Variants in WRN observed in about 807,000 individuals in gnomAD.
WRN encodes bifunctional 3'-5' exonuclease/ATP-dependent helicase WRN.
In WRN, 149 loss-of-function variants were observed where a neutral mutation model predicts 180.7. The observed-to-expected ratio is 0.82, with a 90% CI of 0.72 to 0.94. The LOEUF (loss-of-function observed/expected upper bound fraction) is 0.94, where lower values mean the gene tolerates loss of function less well. Ranked by LOEUF, WRN falls within the 40% of genes least tolerant of loss-of-function variation. WRN has a pLI of 0.00. For synonymous variants in WRN, 548 were observed against 568.9 expected (o/e 0.96, Z 0.52); for missense variants, 1,661 against 1,700.1 (o/e 0.98, Z 0.40).
intron 20 of WRN, 70 bp from the exon 21 acceptor site, chr8:31,120,173 A>C (rs566187118): frequency 1.9e-6 from 3 of 1,575,976 alleles, no homozygotes; most frequent in Non-Finnish European, 2.6e-6. Context: ...TATTCTTACA[A>C]AAAGGTATAA....
rs773262209 is a variant in WRN, at chr8:31,067,216, T to A, written c.654+34T>A. ...TTAAAGATCTTTAGAAATTGTGATG[T>A]GTTTTAAAAACATTATTATAAATGA... On this transcript the variant is annotated intron_variant, in intron 6 of 34. Transcript: ENST00000298139. 4 of 1,610,882 alleles carry A rather than the reference T, an allele frequency of 2.5e-6. No individual in the cohort carries two copies. The East Asian group carries it at 8.9e-5, about 36-fold the overall frequency.
At chr8:31,051,130 C>T (rs913372181) in intron 1 of WRN, among the ~76,000 whole-genome samples, 3 of 151,726 alleles carry the variant, frequency 2.0e-5, no homozygotes, top group African/African-American at 7.3e-5. Context: ...TCAGTTTAGC[C>T]CTCAAGCAAT....
rs1288265937 is a variant in WRN at position 31,116,426 on chromosome 8, T to G, written c.2346T>G (p.Gly782=). The G allele has an allele frequency of 1.2e-6, 2 of 1,613,884 alleles. No homozygotes were observed. The highest frequency in any genetic ancestry group is 1.7e-6 in the Non-Finnish European group (2 of 1,179,968). The change falls in exon 20 of 35, where the codon GGT becomes GGG. Residue 782 remains glycine, a synonymous_variant. Transcript: ENST00000298139. ...GAAAAATGACACAACAAGTTACAGG[T>G]GAACTTAGGAAACTGAATCTATCCT... ...PSRKMTQQVT[G]ELRKLNLSCG... is the part of the protein sequence containing the mutation.
chr8:31,160,655 C>T (rs1034956123), intron 33 of WRN, among the ~76,000 whole-genome samples: 6 of 152,134 alleles, frequency 3.9e-5, no homozygotes, highest in East Asian at 1.9e-4. Flanking sequence ...TTGCATCTTT[C>T]GATGAGACAT....
At chr8:31,141,268 GA>G in intron 24 of WRN, among the ~76,000 whole-genome samples, 161 bp from the exon 25 acceptor site, 1 of 152,302 alleles carries the variant, frequency 6.6e-6, no homozygotes, top group South Asian at 2.1e-4. Context: ...ATTTATTTGT[GA>G]GTGGAGTGTT....
intron 10 of WRN, among the ~76,000 whole-genome samples, chr8:31,084,641 A>G (rs1463235019): frequency 3.3e-5 from 5 of 152,174 alleles, no homozygotes; most frequent in African/African-American, 1.2e-4. Flanking sequence ...ATACCCAAAC[A>G]TTGGCAGTAG....
intron 18 of WRN, among the ~76,000 whole-genome samples, chr8:31,102,458 A>G (rs1260839382): frequency 6.6e-6 from 1 of 152,222 alleles, no homozygotes; most frequent in African/African-American, 2.4e-5. Context: ...ACACAAACCT[A>G]CATGATAAAG....
chr8:31,042,045 A>T (rs1811680212), intron 1 of WRN, among the ~76,000 whole-genome samples: 1 of 152,216 alleles, frequency 6.6e-6, no homozygotes, highest in Non-Finnish European at 1.5e-5. Context: ...GGACAATGAT[A>T]TGGTAGCAGG....
chr8:31,139,357 A>G (rs778559488), intron 24 of WRN, among the ~76,000 whole-genome samples: 11 of 152,220 alleles, frequency 7.2e-5, no homozygotes, highest in Non-Finnish European at 1.3e-4. Flanking sequence ...TTTATACTGC[A>G]TTTTTATATA....
intron 5 of WRN, 61 bp downstream of exon 5, chr8:31,065,124 C>T: frequency 6.5e-7 from 1 of 1,537,610 alleles, no homozygotes; most frequent in Non-Finnish European, 8.9e-7. Flanking sequence ...ACAGAATGTA[C>T]TTTCTATCTG....
chr8:31,142,624 A>C lies in WRN; in HGVS notation c.3234-2A>C, dbSNP rs1554533006. The stretch of plus-strand genomic sequence containing the variant: ...AAATAATTTAATTTTATTATTTTTT[A>C]GTTCGAAAACTGTATCTTCGGGCAC... On this transcript the variant is annotated splice_acceptor_variant, in intron 26 of 34. Coordinates refer to ENST00000298139, the MANE Select transcript of WRN (RefSeq NM_000553.6). LOFTEE classifies it high-confidence loss of function. 4 of 1,589,090 alleles carry C rather than the reference A, an allele frequency of 2.5e-6. No homozygotes were observed. Among genetic ancestry groups the C allele is most frequent in the Non-Finnish European group, 3.4e-6 (4 of 1,167,714 alleles).
chr8:31,124,931 A>G lies in WRN; in HGVS notation c.2756A>G (p.Asp919Gly). 1 of 1,613,122 alleles carries G rather than the reference A, an allele frequency of 6.2e-7. No individual in the cohort carries two copies. Among genetic ancestry groups the G allele is most frequent in the Non-Finnish European group, 8.5e-7 (1 of 1,179,440 alleles). The change falls in exon 23 of 35, where the codon GAC becomes GGC. Residue 919 changes from aspartate (D) to glycine (G), a missense_variant. Around this residue, in one of 3 missense-constraint regions of WRN, gnomAD observed 1,141 missense variants for 1,149.4 expected, o/e 0.99. Coordinates refer to ENST00000298139, the MANE Select transcript of WRN (RefSeq NM_000553.6). ...RRQIILSHFE[D>G]KQVQKASLGI... ...AGAATCATCTTGTCTCATTTTGAGG[A>G]CAAACAAGTACAAAAAGCCTCCTTG... is the stretch of plus-strand genomic sequence containing the variant.
In WRN at chr8:31,174,600, G is replaced by C. The variant is rs905301487; in HGVS notation, c.*1498G>C. Among the ~76,000 whole-genome samples, 4 of 152,116 alleles carry C rather than the reference G, an allele frequency of 2.6e-5. No individual in the cohort carries two copies. The highest frequency in any genetic ancestry group is 9.7e-5 in the African/African-American group (4 of 41,434). Reference sequence around the variant, plus strand: ...AAATGTATAATTTTGGAAAAGTTGTGTTCCTCCACTGGAAGCTTGACAGCT... The same window carrying C: ...AAATGTATAATTTTGGAAAAGTTGTCTTCCTCCACTGGAAGCTTGACAGCT... On this transcript the variant is annotated 3_prime_UTR_variant, in exon 35 of 35. Coordinates refer to ENST00000298139, the MANE Select transcript of WRN (RefSeq NM_000553.6).
At chr8:31,153,212 A>C (rs1803211245) in intron 31 of WRN, among the ~76,000 whole-genome samples, 2 of 152,128 alleles carry the variant, frequency 1.3e-5, no homozygotes, top group African/African-American at 4.8e-5. Flanking sequence ...TTATACACAC[A>C]TACACATAAA....
rs1327344861 is a variant in WRN, at chr8:31,059,273, AT to A, written c.209+11del. 1 of 1,604,588 alleles carries A rather than the reference AT, an allele frequency of 6.2e-7. No individual in the cohort carries two copies. The highest frequency in any genetic ancestry group is 1.7e-5 in the Admixed American group (1 of 59,992). ...CCTGTCAGAAGATATTAGGTAAGTG[AT>A]TTGAATTTCCTGATTTTATTTGAAT... On this transcript the variant is annotated intron_variant, in intron 3 of 34. Transcript: ENST00000298139.
chr8:31,110,537 G>A lies in WRN; in HGVS notation c.2089-1078G>A, dbSNP rs11574279. ...CAGTAAAGTTATAGTGATTGAAAAA[G>A]TAGTTTATAATTTTTAATAAATTGA... is the stretch of plus-strand genomic sequence containing the variant. On this transcript the variant is annotated intron_variant, in intron 18 of 34. Transcript: ENST00000298139. Among the ~76,000 whole-genome samples, 223 of 152,150 alleles carry A rather than the reference G, an allele frequency of 1.5e-3. 2 individuals carry two copies. The highest frequency in any genetic ancestry group is 9.0e-4 in the Non-Finnish European group (61 of 67,954).
In WRN at chr8:31,147,362, A is replaced by G. The variant is rs281865159; in HGVS notation, c.3460-2A>G. The G allele has an allele frequency of 6.2e-7, 1 of 1,613,722 alleles. No homozygotes were observed. Among genetic ancestry groups the G allele is most frequent in the Non-Finnish European group, 8.5e-7 (1 of 1,179,716 alleles). ...AGTGTTGTTTCTTTGTTTTTTGTTC[A>G]GATTGTGTTATATGGCAAATTGGTA... On this transcript the variant is annotated splice_acceptor_variant, in intron 29 of 34. Transcript: ENST00000298139. LOFTEE classifies it high-confidence loss of function.
chr8:31,116,579 A>G lies in WRN; in HGVS notation c.2448+51A>G, dbSNP rs3087412. The G allele has an allele frequency of 2.8e-3, 4,518 of 1,604,306 alleles. 109 individuals carry two copies. The African/African-American group carries it at 0.051, about 18-fold the overall frequency. Reference sequence around the variant, plus strand: ...TCCGTTGCTCATAGTGGAAGTGGATATTTCTCAAATGTTTATTTACCAGAT... The same window carrying G: ...TCCGTTGCTCATAGTGGAAGTGGATGTTTCTCAAATGTTTATTTACCAGAT... On this transcript the variant is annotated intron_variant, in intron 20 of 34. Coordinates refer to ENST00000298139, the MANE Select transcript of WRN (RefSeq NM_000553.6).
chr8:31,044,106 A>G (rs1257240781), intron 1 of WRN, among the ~76,000 whole-genome samples: 4 of 149,030 alleles, frequency 2.7e-5, no homozygotes, highest in Non-Finnish European at 6.0e-5. Context: ...CAGTGGCACA[A>G]TCTCGGCTCA....
Sources: gnomAD v4.1 joint callset for allele counts (sites outside exome capture counted in the v4.1 genomes callset) on GRCh38, gnomAD v4.1.1 for gene constraint, gnomAD v4.1.1 regional missense constraint, MANE v1.5 for transcripts, NCBI Gene and HGNC (gene_info 2026-07-23, HGNC 2026-07-21) for gene names.